ZNF385D: variants seen among roughly 807,000 people sequenced by gnomAD.
The protein encoded by ZNF385D is zinc finger protein 659.
ZNF385D carries 15 observed loss-of-function variants against 35.8 expected under a neutral mutation model. The ratio of observed to expected loss-of-function variants is 0.42; its 90% CI spans 0.28 to 0.64. The LOEUF (loss-of-function observed/expected upper bound fraction) is 0.64, where lower values mean the gene tolerates loss of function less well. Among genes scored for constraint, ZNF385D ranks in the 30% least tolerant of loss-of-function variants. The pLI, the probability that ZNF385D is intolerant of heterozygous loss-of-function variation, is 0.23. For synonymous variants in ZNF385D, 212 were observed against 186.8 expected (o/e 1.13, Z -1.10); for missense variants, 474 against 494.6 (o/e 0.96, Z 0.39).
At chr3:22,175,611 A>G (rs1309581666) in intron 2 of ZNF385D, among the ~76,000 whole-genome samples, 1 of 151,978 alleles carries the variant, frequency 6.6e-6, no homozygotes, top group Non-Finnish European at 1.5e-5. Flanking sequence ...ATTTTTATTC[A>G]TAAAACTTGT....
chr3:21,670,901 T>C (rs562100830), intron 1 of ZNF385D, among the ~76,000 whole-genome samples: 1 of 152,042 alleles, frequency 6.6e-6, no homozygotes, highest in South Asian at 2.1e-4. Context: ...CCAGCATTCC[T>C]TGTGGGTAAG....
At chr3:21,526,861 G>T (rs993156037) in intron 3 of ZNF385D, among the ~76,000 whole-genome samples, 1 of 152,138 alleles carries the variant, frequency 6.6e-6, no homozygotes, top group Non-Finnish European at 1.5e-5. Flanking sequence ...TGACGCGATC[G>T]TTCTTAACTG....
intron 3 of ZNF385D, among the ~76,000 whole-genome samples, chr3:22,068,956 C>T (rs766727803): frequency 6.6e-6 from 1 of 152,270 alleles, no homozygotes; most frequent in East Asian, 1.9e-4. Flanking sequence ...GATGACATTA[C>T]ATATCCAGGT....
intron 3 of ZNF385D, among the ~76,000 whole-genome samples, chr3:21,759,217 C>CAATCCTG (rs1559593760): frequency 6.6e-6 from 1 of 151,956 alleles, no homozygotes; most frequent in Admixed American, 6.6e-5. Context: ...GGGGTTCAGG[C>CAATCCTG]AATCCTGAGA....
chr3:21,641,242 T>C (rs1028809800), intron 2 of ZNF385D, among the ~76,000 whole-genome samples: 5 of 152,040 alleles, frequency 3.3e-5, no homozygotes, highest in African/African-American at 4.8e-5. Context: ...ATTTTCCTAG[T>C]GCTCTTGGGT....
intron 3 of ZNF385D, among the ~76,000 whole-genome samples, chr3:22,162,628 C>G (rs753381596): frequency 5.3e-5 from 8 of 152,146 alleles, no homozygotes; most frequent in Non-Finnish European, 7.4e-5. Flanking sequence ...ACTCCACCCC[C>G]CTTGCACTAC....
chr3:21,834,738 C>G (rs566035937), intron 3 of ZNF385D, among the ~76,000 whole-genome samples: 2 of 150,046 alleles, frequency 1.3e-5, no homozygotes, highest in African/African-American at 2.5e-5. Context: ...GTAATCCCCA[C>G]GTGTCGACAG....
At chr3:21,671,083 T>C (rs1164566049) in intron 1 of ZNF385D, among the ~76,000 whole-genome samples, 7 of 152,108 alleles carry the variant, frequency 4.6e-5, no homozygotes, top group African/African-American at 1.7e-4. Flanking sequence ...TAAAGCTCAG[T>C]TGTGCATGTA....
chr3:21,919,623 T>C (rs992695809), intron 3 of ZNF385D, among the ~76,000 whole-genome samples: 32 of 152,234 alleles, frequency 2.1e-4, no homozygotes, highest in African/African-American at 2.7e-4. Flanking sequence ...GCTCTGATAA[T>C]TGCTGCAGGC....
At chr3:22,125,168 G>A (rs1703355230) in intron 3 of ZNF385D, among the ~76,000 whole-genome samples, 1 of 152,100 alleles carries the variant, frequency 6.6e-6, no homozygotes, top group Non-Finnish European at 1.5e-5. Context: ...TTATTGAAGA[G>A]ACTATCCTTT....
At chr3:22,147,923 A>G (rs1282853762) in intron 3 of ZNF385D, among the ~76,000 whole-genome samples, 2 of 152,176 alleles carry the variant, frequency 1.3e-5, no homozygotes, top group African/African-American at 4.8e-5. Context: ...TGGCTCCAAT[A>G]CAGAAAAAAA....
At chr3:22,285,082 GA>G (rs1307347997) in intron 2 of ZNF385D, among the ~76,000 whole-genome samples, 1 of 151,978 alleles carries the variant, frequency 6.6e-6, no homozygotes, top group African/African-American at 2.4e-5. Context: ...AAGTTTAATA[GA>G]AAAAAATTGG....
intron 2 of ZNF385D, among the ~76,000 whole-genome samples, chr3:22,188,354 T>C (rs1695781217): frequency 6.6e-6 from 1 of 152,180 alleles, no homozygotes; most frequent in Admixed American, 6.6e-5. Flanking sequence ...ATAGTCTTGC[T>C]TCACATGGGA....
chr3:21,905,911 A>T (rs1699662260), intron 3 of ZNF385D, among the ~76,000 whole-genome samples: 1 of 152,180 alleles, frequency 6.6e-6, no homozygotes, highest in Non-Finnish European at 1.5e-5. Flanking sequence ...TTGTTGTTTT[A>T]AAAAAGATTA....
intron 3 of ZNF385D, among the ~76,000 whole-genome samples, chr3:22,109,176 A>T (rs1056341768): frequency 1.3e-5 from 2 of 152,172 alleles, no homozygotes; most frequent in African/African-American, 2.4e-5. Flanking sequence ...AGATAACTAA[A>T]ATCAACTCTT....
In ZNF385D at chr3:22,267,917, G is replaced by A. The variant is rs186855725; in HGVS notation, c.107-98882C>T. Among the ~76,000 whole-genome samples, 252 of 151,884 alleles carry A rather than the reference G, an allele frequency of 1.7e-3. 1 individual carries two copies. The highest frequency in any genetic ancestry group is 2.0e-3 in the African/African-American group (85 of 41,498). ...TGTGTTTCTACTTAAAGTAAAAAAC[G>A]AAAAACAAAAAGCAAACCCCAAACC... On this transcript the variant is annotated intron_variant, in intron 2 of 5. Coordinates refer to the ZNF385D transcript ENST00000494108.
chr3:22,279,351 A>C (rs966249368), intron 2 of ZNF385D, among the ~76,000 whole-genome samples: 1 of 151,770 alleles, frequency 6.6e-6, no homozygotes, highest in African/African-American at 2.4e-5. Flanking sequence ...GAGTAAGAAC[A>C]TGTGATATTT....
intron 3 of ZNF385D, among the ~76,000 whole-genome samples, chr3:21,523,909 A>C (rs1204204157): frequency 1.3e-5 from 2 of 152,224 alleles, no homozygotes; most frequent in African/African-American, 4.8e-5. Context: ...TTATAGCTGC[A>C]CAAGTAAGAG....
chr3:21,743,075 C>A (rs1376179549), intron 1 of ZNF385D, among the ~76,000 whole-genome samples: 1 of 152,026 alleles, frequency 6.6e-6, no homozygotes, highest in Non-Finnish European at 1.5e-5. Context: ...TACAAAGAAA[C>A]AAAACTTTAC....
Sources: allele counts gnomAD v4.1 joint callset (sites outside exome capture counted in the v4.1 genomes callset), GRCh38; gene constraint gnomAD v4.1.1; transcripts MANE v1.5; gene names NCBI Gene and HGNC (gene_info 2026-07-23, HGNC 2026-07-21).